SLC25A21: variants seen among roughly 807,000 people sequenced by gnomAD.
SLC25A21 encodes solute carrier family 25 member 21.
Under a neutral mutation model 43.8 loss-of-function variants are expected in SLC25A21, and 47 were observed. The observed-to-expected ratio is 1.07, with a 90% CI of 0.85 to 1.37. The LOEUF is 1.37. Among genes scored for constraint, SLC25A21 ranks in the 40% most tolerant of loss-of-function variants. The pLI is 0.00. For missense variants in SLC25A21, 352 were observed against 350.2 expected, an observed-to-expected ratio of 1.00 and a Z score of -0.04; for synonymous variants, 131 against 121.3, an observed-to-expected ratio of 1.08 and a Z score of -0.52.
In SLC25A21 at chr14:36,953,911, G is replaced by A. The variant is rs556231342; in HGVS notation, c.71-78907C>T. Among the ~76,000 whole-genome samples, 8 of 152,274 alleles carry A rather than the reference G, an allele frequency of 5.3e-5. No homozygotes were observed. The East Asian group carries it at 1.2e-3, about 22-fold the overall frequency. ...CAGACACTCTGAAGGGAAAAAAATT[G>A]TAAATAGCTTGGTTTTCCAACTGCC... On this transcript the variant is annotated intron_variant, in intron 1 of 9. Transcript: ENST00000331299.
intron 1 of SLC25A21, among the ~76,000 whole-genome samples, chr14:37,011,362 T>C (rs928206060): frequency 1.2e-4 from 18 of 152,216 alleles, no homozygotes; most frequent in African/African-American, 4.3e-4. Context: ...CTCATCATTG[T>C]ATACTTTTTC....
At chr14:36,790,361 ATC>A (rs1467448075) in intron 3 of SLC25A21, among the ~76,000 whole-genome samples, 1 of 151,980 alleles carries the variant, frequency 6.6e-6, no homozygotes, top group East Asian at 1.9e-4. Context: ...TCCATACATC[ATC>A]CTTATCACTC....
chr14:37,134,957 T>C (rs1963453535), intron 1 of SLC25A21, among the ~76,000 whole-genome samples: 1 of 149,382 alleles, frequency 6.7e-6, no homozygotes, highest in African/African-American at 2.5e-5. Flanking sequence ...AGACCGAGTC[T>C]CACTCCGTCA....
chr14:37,129,201 C>G (rs796178639), intron 1 of SLC25A21, among the ~76,000 whole-genome samples: 11 of 152,290 alleles, frequency 7.2e-5, no homozygotes, highest in African/African-American at 2.6e-4. Context: ...TCATCCAACA[C>G]TGACTCATAA....
chr14:37,051,726 GA>G (rs879425304), intron 1 of SLC25A21, among the ~76,000 whole-genome samples: 1 of 152,162 alleles, frequency 6.6e-6, no homozygotes, highest in Non-Finnish European at 1.5e-5. Context: ...CAGTCATATG[GA>G]AAAGGCCACC....
At chr14:36,862,630 GA>G (rs35481893) in intron 2 of SLC25A21, among the ~76,000 whole-genome samples, 33,269 of 152,048 alleles carry the variant, frequency 0.22, 3,817 homozygotes, top group South Asian at 0.32. Context: ...GCTAGGGGAG[GA>G]ATAGCATTAG....
At chr14:36,911,626 G>C (rs936572370) in intron 1 of SLC25A21, among the ~76,000 whole-genome samples, 10 of 152,132 alleles carry the variant, frequency 6.6e-5, no homozygotes, top group Non-Finnish European at 1.0e-4. Flanking sequence ...GCCTCATTGG[G>C]GAGAACTGAG....
chr14:36,756,850 T>C (rs1325533), intron 3 of SLC25A21, among the ~76,000 whole-genome samples: 34,810 of 152,184 alleles, frequency 0.23, 4,510 homozygotes, highest in Middle Eastern at 0.3. Flanking sequence ...AAAGTGTAAA[T>C]GGGACTTTTT....
chr14:36,770,470 C>T (rs538492083), intron 3 of SLC25A21, among the ~76,000 whole-genome samples: 199 of 152,172 alleles, frequency 1.3e-3, no homozygotes, highest in Non-Finnish European at 2.5e-3. Flanking sequence ...CTCAGTATCA[C>T]GCAATACATG....
intron 1 of SLC25A21, among the ~76,000 whole-genome samples, chr14:37,007,008 T>C (rs948497576): frequency 6.6e-6 from 1 of 152,172 alleles, no homozygotes. Context: ...TTCTACAATA[T>C]CAATTAATGT....
In SLC25A21 at chr14:37,024,872, T is replaced by C. The variant is rs554653446; in HGVS notation, c.70+147409A>G. ...AGAAATGGAGAAAAAAAGGTTTTTA[T>C]TGTTTCATAACAAAGTGCAATATTT... On this transcript the variant is annotated intron_variant, in intron 1 of 9. Transcript: ENST00000331299. 2.6e-5 allele frequency among the ~76,000 whole-genome samples: 4 copies of C among 152,256 alleles called. No homozygotes were observed. The South Asian group carries it at 6.2e-4, about 24-fold the overall frequency.
At chr14:36,991,779 C>T (rs575658452) in intron 1 of SLC25A21, among the ~76,000 whole-genome samples, 1 of 152,280 alleles carries the variant, frequency 6.6e-6, no homozygotes, top group South Asian at 2.1e-4. Context: ...ATCTACTAAC[C>T]TGGGCTGTTC....
At chr14:37,092,435 G>A (rs753706881) in intron 1 of SLC25A21, among the ~76,000 whole-genome samples, 29 of 152,138 alleles carry the variant, frequency 1.9e-4, no homozygotes, top group Admixed American at 3.9e-4. Flanking sequence ...CATCTCCTCC[G>A]TCCTCCTACC....
chr14:36,842,343 C>G (rs712366), intron 2 of SLC25A21, among the ~76,000 whole-genome samples: 55,707 of 152,074 alleles, frequency 0.37, 10,861 homozygotes, highest in African/African-American at 0.51. Flanking sequence ...ATTAGGTGAG[C>G]CTTCCAAGAG....
intron 1 of SLC25A21, among the ~76,000 whole-genome samples, chr14:36,907,694 A>G (rs1236444705): frequency 6.6e-6 from 1 of 152,186 alleles, no homozygotes; most frequent in Non-Finnish European, 1.5e-5. Flanking sequence ...TGGTAAATAC[A>G]GAAGCTTATC....
chr14:36,690,676 A>G (rs184220876), intron 7 of SLC25A21, among the ~76,000 whole-genome samples: 1 of 152,236 alleles, frequency 6.6e-6, no homozygotes, highest in Admixed American at 6.5e-5. Flanking sequence ...TTCTAGTTCA[A>G]TGTGATTAGT....
intron 1 of SLC25A21, among the ~76,000 whole-genome samples, chr14:37,118,156 T>C (rs1963140229): frequency 6.6e-6 from 1 of 152,116 alleles, no homozygotes; most frequent in Non-Finnish European, 1.5e-5. Context: ...GGTCACAATA[T>C]TTGCAGCTTC....
At chr14:36,907,271 G>C (rs1891559856) in intron 1 of SLC25A21, among the ~76,000 whole-genome samples, 1 of 152,050 alleles carries the variant, frequency 6.6e-6, no homozygotes, top group African/African-American at 2.4e-5. Flanking sequence ...ATGTGTGCAA[G>C]GTAACCATCA....
At chr14:36,813,161 C>G (rs1362790087) in intron 3 of SLC25A21, among the ~76,000 whole-genome samples, 1 of 151,976 alleles carries the variant, frequency 6.6e-6, no homozygotes, top group Non-Finnish European at 1.5e-5. Context: ...GTTTGCTGCA[C>G]CCATCAGCCA....
Sources: allele counts gnomAD v4.1 joint callset (sites outside exome capture counted in the v4.1 genomes callset), GRCh38; gene constraint gnomAD v4.1.1; transcripts MANE v1.5; gene names NCBI Gene and HGNC (gene_info 2026-07-23, HGNC 2026-07-21).